The following PAK5 variants were observed in gnomAD, a reference collection of about 807,000 sequenced individuals.
The protein encoded by PAK5 is serine/threonine-protein kinase PAK 5.
PAK5 carries 16 observed loss-of-function variants against 65.9 expected under a neutral mutation model. The ratio of observed to expected loss-of-function variants is 0.24; its 90% CI spans 0.16 to 0.37. The LOEUF (loss-of-function observed/expected upper bound fraction) is 0.37, where lower values mean the gene tolerates loss of function less well. Among genes scored for constraint, PAK5 ranks in the 10% least tolerant of loss-of-function variants. The pLI, the probability that PAK5 is intolerant of heterozygous loss-of-function variation, is 1.00. For synonymous variants in PAK5, 371 were observed against 354.9 expected, an observed-to-expected ratio of 1.05 and a Z score of -0.51; for missense variants, 785 against 903.9, an observed-to-expected ratio of 0.87 and a Z score of 1.69.
At chr20:9,770,712 G>T (rs919781754) in intron 1 of PAK5, among the ~76,000 whole-genome samples, 1 of 152,154 alleles carries the variant, frequency 6.6e-6, no homozygotes, top group African/African-American at 2.4e-5. Flanking sequence ...AGAAAATTGG[G>T]ACATGAAGAG....
At position 9,562,957 on chromosome 20, in the gene PAK5, T is replaced by C. The variant is rs1432044653; in HGVS notation, c.1550A>G (p.Asp517Gly). ...VDMYSSYLVG[D>G]ELWVVMEFLE... ...AAACTCCATGACCACCCAGAGCTCA[T>C]CGCCGACAAGGTAGCTGCTGTACAT... is the stretch of plus-strand genomic sequence containing the variant. The change falls in exon 6 of 10, where the codon GAT becomes GGT. Residue 517 changes from aspartate (D) to glycine (G), a missense_variant. Physicochemically the swap from Asp to Gly is moderately conservative, Grantham distance 94. This residue lies in a region of PAK5 where 182 missense variants were observed against 273.0 expected (regional missense o/e 0.67). Coordinates refer to ENST00000353224, the MANE Select transcript of PAK5 (RefSeq NM_177990.4). The C allele has an allele frequency of 6.2e-7, 1 of 1,613,594 alleles. No homozygotes were observed. Among genetic ancestry groups the C allele is most frequent in the Non-Finnish European group, 8.5e-7 (1 of 1,179,562 alleles).
intron 5 of PAK5, among the ~76,000 whole-genome samples, chr20:9,563,455 A>C (rs2045623825): frequency 6.6e-6 from 1 of 152,238 alleles, no homozygotes; most frequent in South Asian, 2.1e-4. Flanking sequence ...CAAGTGAATG[A>C]AGTAAACTAT....
intron 2 of PAK5, among the ~76,000 whole-genome samples, chr20:9,684,702 C>T (rs996024335): frequency 3.3e-5 from 5 of 152,172 alleles, no homozygotes; most frequent in Non-Finnish European, 5.9e-5. Context: ...ACTGATTACA[C>T]TCATTCCTGC....
intron 2 of PAK5, among the ~76,000 whole-genome samples, chr20:9,654,555 C>A (rs1159288450): frequency 6.6e-6 from 1 of 152,058 alleles, no homozygotes; most frequent in Non-Finnish European, 1.5e-5. Flanking sequence ...TTGCCCCTCC[C>A]AAGCAGTTTT....
chr20:9,746,115 A>G (rs2048505029), intron 1 of PAK5, among the ~76,000 whole-genome samples: 1 of 152,192 alleles, frequency 6.6e-6, no homozygotes, highest in African/African-American at 2.4e-5. Context: ...TCTTCCAAAG[A>G]CTGAGATAGC....
intron 2 of PAK5, among the ~76,000 whole-genome samples, chr20:9,670,490 T>G (rs2047481349): frequency 6.6e-6 from 1 of 152,182 alleles, no homozygotes; most frequent in Non-Finnish European, 1.5e-5. Flanking sequence ...GGTATTTCAC[T>G]GTGGTTTTGA....
At chr20:9,731,966 C>T (rs2048339061) in intron 1 of PAK5, among the ~76,000 whole-genome samples, 1 of 152,074 alleles carries the variant, frequency 6.6e-6, no homozygotes, top group African/African-American at 2.4e-5. Context: ...GTTTTATAAT[C>T]AGCTTCCAAT....
At chr20:9,724,563 C>T (rs1302870358) in intron 1 of PAK5, among the ~76,000 whole-genome samples, 2 of 152,142 alleles carry the variant, frequency 1.3e-5, no homozygotes, top group African/African-American at 2.4e-5. Context: ...TTCAGTATCA[C>T]ATTTCTTTCT....
intron 2 of PAK5, among the ~76,000 whole-genome samples, chr20:9,645,588 CTTT>C (rs767530143): frequency 4.1e-5 from 6 of 144,782 alleles, no homozygotes; most frequent in African/African-American, 7.6e-5. Context: ...TCCTACACTT[CTTT>C]TTTTTTTTTT....
intron 2 of PAK5, among the ~76,000 whole-genome samples, chr20:9,669,318 T>C (rs1181039272): frequency 1.3e-5 from 2 of 152,176 alleles, no homozygotes; most frequent in Admixed American, 1.3e-4. Context: ...TATATACACA[T>C]GACAGTGTTA....
chr20:9,681,683 T>C (rs1323718013), intron 2 of PAK5, among the ~76,000 whole-genome samples: 1 of 152,206 alleles, frequency 6.6e-6, no homozygotes, highest in Non-Finnish European at 1.5e-5. Flanking sequence ...TACTATCTTT[T>C]GTAATTCTTT....
chr20:9,786,008 C>A (rs2048989106), intron 1 of PAK5, among the ~76,000 whole-genome samples: 1 of 152,106 alleles, frequency 6.6e-6, no homozygotes, highest in African/African-American at 2.4e-5. Flanking sequence ...TCCCATCTGT[C>A]CATCTTCCAT....
chr20:9,604,974 A>C (rs2046425997), intron 3 of PAK5, among the ~76,000 whole-genome samples: 1 of 152,162 alleles, frequency 6.6e-6, no homozygotes, highest in African/African-American at 2.4e-5. Flanking sequence ...CTTGAAAGCA[A>C]CTCAAGGAAG....
chr20:9,740,389 G>T (rs1600310330), intron 1 of PAK5, among the ~76,000 whole-genome samples: 1 of 152,220 alleles, frequency 6.6e-6, no homozygotes, highest in East Asian at 1.9e-4. Context: ...CTGTCTTTTT[G>T]CTATCCCTAA....
At chr20:9,771,779 C>G (rs1257366820) in intron 1 of PAK5, among the ~76,000 whole-genome samples, 1 of 151,918 alleles carries the variant, frequency 6.6e-6, no homozygotes, top group African/African-American at 2.4e-5. Context: ...TGGCTCATGC[C>G]TGTAATATCA....
chr20:9,614,990 T>C (rs981945756), intron 3 of PAK5, among the ~76,000 whole-genome samples: 18 of 152,224 alleles, frequency 1.2e-4, no homozygotes, highest in Admixed American at 3.3e-4. Context: ...AGCCACAATG[T>C]ATTAACATAT....
At chr20:9,691,399 C>T (rs1451941943) in intron 2 of PAK5, among the ~76,000 whole-genome samples, 2 of 152,080 alleles carry the variant, frequency 1.3e-5, no homozygotes, top group South Asian at 2.1e-4. Flanking sequence ...ATCCAAAAAG[C>T]TTTAGGCAAC....
Position 9,818,237 on chromosome 20 carries a change from AC to A in PAK5, c.-162+20524del, listed in dbSNP as rs2049380811. ...CCTCAGGTATGTCTGATCATGCTGG[AC>A]TGTCTTAAGCAAGAATCCCATTAGG... On this transcript the variant is annotated intron_variant, in intron 1 of 9. Transcript: ENST00000353224. 5.9e-5 allele frequency among the ~76,000 whole-genome samples: 9 copies of A among 152,202 alleles called. No homozygotes were observed. The South Asian group carries it at 1.9e-3, about 32-fold the overall frequency.
At chr20:9,634,358 T>C (rs1350174799) in intron 3 of PAK5, among the ~76,000 whole-genome samples, 1 of 152,160 alleles carries the variant, frequency 6.6e-6, no homozygotes, top group Non-Finnish European at 1.5e-5. Flanking sequence ...CAGGGATAAA[T>C]TCCCTGGGGT....
Sources: gnomAD v4.1 joint callset for allele counts (sites outside exome capture counted in the v4.1 genomes callset) on GRCh38, gnomAD v4.1.1 for gene constraint, gnomAD v4.1.1 regional missense constraint, MANE v1.5 for transcripts, NCBI Gene and HGNC (gene_info 2026-07-23, HGNC 2026-07-21) for gene names.